Variants in RARB observed in about 807,000 individuals in gnomAD.
The protein encoded by RARB is retinoic acid receptor beta.
In RARB, 17 loss-of-function variants were observed where a neutral mutation model predicts 51.9. That is an observed-to-expected ratio of 0.33 (90% CI 0.22 to 0.49). RARB has a LOEUF of 0.49. Among genes scored for constraint, RARB ranks in the 20% least tolerant of loss-of-function variants. The pLI, the probability that RARB is intolerant of heterozygous loss-of-function variation, is 0.99. For missense variants in RARB, 369 were observed against 550.8 expected, an observed-to-expected ratio of 0.67 and a Z score of 3.30; for synonymous variants, 215 against 195.4, an observed-to-expected ratio of 1.10 and a Z score of -0.84.
At chr3:25,063,506 G>T (rs1435988445) in intron 3 of RARB, among the ~76,000 whole-genome samples, 1 of 151,612 alleles carries the variant, frequency 6.6e-6, no homozygotes. Context: ...ATAATTTGTC[G>T]ATTTTTAAAT....
chr3:25,335,268 C>G (rs1048974583), intron 5 of RARB, among the ~76,000 whole-genome samples: 1 of 98,370 alleles, frequency 1.0e-5, no homozygotes, highest in African/African-American at 4.6e-5. Flanking sequence ...TCTTATGTCT[C>G]TCATGATGAC....
intron 5 of RARB, among the ~76,000 whole-genome samples, chr3:25,264,970 A>C (rs1703090802): frequency 6.6e-6 from 1 of 152,158 alleles, no homozygotes; most frequent in Non-Finnish European, 1.5e-5. Flanking sequence ...GGAGGTACTT[A>C]TGTCACACAG....
chr3:24,975,697 A>T (rs1247175911), intron 2 of RARB, among the ~76,000 whole-genome samples: 1 of 152,150 alleles, frequency 6.6e-6, no homozygotes, highest in Non-Finnish European at 1.5e-5. Context: ...CAGCTTCTTT[A>T]GGTAAAAATA....
chr3:24,879,503 T>TTC (rs1553610186), intron 2 of RARB, among the ~76,000 whole-genome samples: 10 of 149,642 alleles, frequency 6.7e-5, no homozygotes, highest in African/African-American at 7.4e-5. Flanking sequence ...TTTTTTTTTT[T>TTC]CTTAACCTGG....
At chr3:24,856,523 C>A (rs536410738) in intron 1 of RARB, among the ~76,000 whole-genome samples, 1 of 152,190 alleles carries the variant, frequency 6.6e-6, no homozygotes, top group African/African-American at 2.4e-5. Flanking sequence ...GCACTCAACA[C>A]CTCTCTCCTG....
chr3:25,068,783 G>A lies in RARB; in HGVS notation c.-328+8607G>A, dbSNP rs536127536. 1.3e-4 allele frequency among the ~76,000 whole-genome samples: 20 copies of A among 152,170 alleles called. No homozygotes were observed. The East Asian group carries it at 2.5e-3, about 19-fold the overall frequency. The stretch of plus-strand genomic sequence containing the variant: ...TAATGGAGGCGTCATCTATAATGGC[G>A]GCCCTCCTTTCCCTCCTGTAATGCT... On this transcript the variant is annotated intron_variant, in intron 3 of 11. Transcript: ENST00000383772.
intron 5 of RARB, among the ~76,000 whole-genome samples, chr3:25,258,690 G>A (rs1030837300): frequency 6.6e-6 from 1 of 152,064 alleles, no homozygotes; most frequent in Non-Finnish European, 1.5e-5. Flanking sequence ...TCTGGAGGCT[G>A]GGAAGTCTAA....
intron 5 of RARB, among the ~76,000 whole-genome samples, chr3:25,273,049 C>G (rs1023860583): frequency 6.6e-6 from 1 of 152,168 alleles, no homozygotes; most frequent in African/African-American, 2.4e-5. Context: ...TCCCCATAAG[C>G]TGATAGTCTG....
intron 2 of RARB, among the ~76,000 whole-genome samples, chr3:24,976,492 G>A (rs561566694): frequency 1.3e-5 from 2 of 152,244 alleles, no homozygotes; most frequent in African/African-American, 2.4e-5. Context: ...TCTCATTGTG[G>A]TTTTGATTTG....
intron 5 of RARB, among the ~76,000 whole-genome samples, chr3:25,583,462 G>A (rs1239387123): frequency 6.6e-6 from 1 of 152,194 alleles, no homozygotes; most frequent in African/African-American, 2.4e-5. Context: ...CACGTGTCTC[G>A]TGTTGTGTGT....
At chr3:24,857,858 T>A (rs888926809) in intron 1 of RARB, among the ~76,000 whole-genome samples, 5 of 152,168 alleles carry the variant, frequency 3.3e-5, no homozygotes, top group Non-Finnish European at 7.3e-5. Context: ...CCCAGGAGTT[T>A]GAAGTCACAG....
intron 3 of RARB, among the ~76,000 whole-genome samples, chr3:25,512,494 C>A (rs1314290979): frequency 6.6e-6 from 1 of 152,182 alleles, no homozygotes; most frequent in Non-Finnish European, 1.5e-5. Context: ...GCACAGCTGC[C>A]CCAGCCTGTC....
chr3:24,834,160 T>A (rs1702313919), intron 1 of RARB, among the ~76,000 whole-genome samples: 1 of 152,244 alleles, frequency 6.6e-6, no homozygotes, highest in Non-Finnish European at 1.5e-5. Context: ...AAGTCCTTTG[T>A]GAGCTGAGAA....
At chr3:24,958,826 C>T (rs1433808037) in intron 2 of RARB, among the ~76,000 whole-genome samples, 1 of 152,158 alleles carries the variant, frequency 6.6e-6, no homozygotes, top group Non-Finnish European at 1.5e-5. Flanking sequence ...TTTTTCATGT[C>T]TTTTCTAGTA....
At chr3:25,219,229 CTT>C (rs1250526148) in intron 5 of RARB, among the ~76,000 whole-genome samples, 7 of 150,032 alleles carry the variant, frequency 4.7e-5, no homozygotes, top group Middle Eastern at 3.4e-3. Flanking sequence ...GATCCTCTCT[CTT>C]GAAAGGAAAT....
chr3:25,330,701 T>C (rs1381221120), intron 5 of RARB, among the ~76,000 whole-genome samples: 3 of 152,142 alleles, frequency 2.0e-5, no homozygotes, highest in Non-Finnish European at 4.4e-5. Flanking sequence ...ATGCTCCAAT[T>C]AAAAGACACA....
intron 5 of RARB, among the ~76,000 whole-genome samples, chr3:25,380,255 C>T (rs928664635): frequency 3.3e-5 from 5 of 152,132 alleles, no homozygotes; most frequent in African/African-American, 1.2e-4. Flanking sequence ...ATGCAGGACG[C>T]CAGCCCTCAG....
rs75501444 is a variant in RARB, at chr3:24,911,282, G to A, written c.-380+52530G>A. On this transcript the variant is annotated intron_variant, in intron 2 of 11. Transcript: ENST00000383772. ...TGAACACACAGACCTCCCAACAAGT[G>A]ACATTGACAGGATTGTTCTGTTCGA... 6.4e-3 allele frequency among the ~76,000 whole-genome samples: 967 copies of A among 152,190 alleles called. 11 individuals carry two copies. The highest frequency in any genetic ancestry group is 0.022 in the African/African-American group (901 of 41,522).
intron 2 of RARB, among the ~76,000 whole-genome samples, chr3:24,976,074 C>A (rs1418681813): frequency 6.6e-6 from 1 of 152,162 alleles, no homozygotes; most frequent in Non-Finnish European, 1.5e-5. Flanking sequence ...CCAGCTTCAT[C>A]CATGTCCCTG....
Sources: gnomAD v4.1 joint callset for allele counts (sites outside exome capture counted in the v4.1 genomes callset) on GRCh38, gnomAD v4.1.1 for gene constraint, MANE v1.5 for transcripts, NCBI Gene and HGNC (gene_info 2026-07-23, HGNC 2026-07-21) for gene names.